FKBP5: variants seen among roughly 807,000 people sequenced by gnomAD.
FKBP5 encodes the protein peptidyl-prolyl cis-trans isomerase FKBP5.
Under a neutral mutation model 50.5 loss-of-function variants are expected in FKBP5, and 23 were observed. The observed-to-expected ratio is 0.46, with a 90% CI of 0.33 to 0.65. The LOEUF (loss-of-function observed/expected upper bound fraction) is 0.65, where lower values mean the gene tolerates loss of function less well. FKBP5 is among the 30% of genes least tolerant of loss of function. The probability of loss-of-function intolerance (pLI) is 0.02; values close to 1 mark genes in which losing one functional copy is unlikely to be tolerated. For missense variants in FKBP5, 411 were observed against 553.1 expected (o/e 0.74, Z 2.58); for synonymous variants, 176 against 190.6 (o/e 0.92, Z 0.63).
At position 35,659,376 on chromosome 6, in the gene FKBP5, T is replaced by C. The variant is rs1485440963; in HGVS notation, c.-19-16533A>G. Among the ~76,000 whole-genome samples, 5 of 81,784 alleles carry C rather than the reference T, an allele frequency of 6.1e-5. 2 individuals carry two copies. Among genetic ancestry groups the C allele is most frequent in the African/African-American group, 1.9e-4 (5 of 26,280 alleles). 53.7% of individuals were successfully genotyped at this position (81,784 alleles called of 152,430 possible). On this transcript the variant is annotated intron_variant, in intron 1 of 10. Coordinates refer to ENST00000357266, the MANE Select transcript of FKBP5 (RefSeq NM_004117.4). Reference sequence around the variant, plus strand: ...GATTCTCCTGTCTCAGCCTCTGGAGTAGCTGAGATTACAGGCATGCGCCAC... The same window carrying C: ...GATTCTCCTGTCTCAGCCTCTGGAGCAGCTGAGATTACAGGCATGCGCCAC...
chr6:35,586,446 T>C, intron 8 of FKBP5: 2 of 985,652 alleles, frequency 2.0e-6, no homozygotes, highest in Non-Finnish European at 2.4e-6. Flanking sequence ...TTTTATCATA[T>C]GCTCTAGTGA....
intron 1 of FKBP5, among the ~76,000 whole-genome samples, chr6:35,664,073 G>A (rs1459136948): frequency 6.6e-6 from 1 of 152,184 alleles, no homozygotes; most frequent in Non-Finnish European, 1.5e-5. Context: ...AAGTGTCACA[G>A]GTCTCTGACT....
chr6:35,693,875 C>G (rs73417700), upstream of FKBP5, among the ~76,000 whole-genome samples: 204 of 151,698 alleles, frequency 1.3e-3, 1 homozygote, highest in African/African-American at 4.7e-3. Flanking sequence ...TCCCAGTACC[C>G]TGCTATAATT....
chr6:35,578,018 C>T (rs1269868275), intron 9 of FKBP5, among the ~76,000 whole-genome samples: 1 of 142,438 alleles, frequency 7.0e-6, no homozygotes, highest in Admixed American at 7.2e-5. Context: ...CGTGCCACTG[C>T]ACTCCAGGCT....
chr6:35,596,268 T>C (rs760098906), intron 6 of FKBP5, among the ~76,000 whole-genome samples: 3 of 151,816 alleles, frequency 2.0e-5, no homozygotes, highest in Non-Finnish European at 4.4e-5. Context: ...GGCAGGAAAA[T>C]TGCTTGAACC....
In FKBP5 at chr6:35,619,081, T is replaced by C. The variant is rs1763746144; in HGVS notation, c.508+15A>G. 2 of 1,564,460 alleles carry C rather than the reference T, an allele frequency of 1.3e-6. No individual in the cohort carries two copies. Among genetic ancestry groups the C allele is most frequent in the Non-Finnish European group, 1.8e-6 (2 of 1,136,766 alleles). ...CAACTTTTAAGGACTAGTTCCCTCT[T>C]ACTTTAATACTTACTTTCTACTGTT... On this transcript the variant is annotated intron_variant, in intron 5 of 10. Transcript: ENST00000357266.
intron 8 of FKBP5, chr6:35,585,427 T>G (rs1423048062): frequency 3.0e-6 from 3 of 984,988 alleles, no homozygotes; most frequent in Non-Finnish European, 3.6e-6. Flanking sequence ...CTTGAGAGTT[T>G]AGAAACTCAC....
intron 7 of FKBP5, among the ~76,000 whole-genome samples, chr6:35,588,665 A>C (rs775343310): frequency 1.1e-4 from 17 of 151,864 alleles, no homozygotes; most frequent in Non-Finnish European, 2.2e-4. Flanking sequence ...CAGTGGCACG[A>C]TCGCGGCTCA....
chr6:35,708,622 T>C (rs1394574290), intron 2 of FKBP5, among the ~76,000 whole-genome samples: 1 of 152,078 alleles, frequency 6.6e-6, no homozygotes, highest in African/African-American at 2.4e-5. Context: ...GTAACAGAGA[T>C]TGTTAGTTGT....
intron 8 of FKBP5, chr6:35,585,851 G>A (rs1344570014): frequency 5.1e-6 from 5 of 985,146 alleles, no homozygotes; most frequent in Non-Finnish European, 6.0e-6. Flanking sequence ...GAAAACACAT[G>A]GTGCCCTCTG....
At chr6:35,697,340 G>C (rs954849816) in intron 2 of FKBP5, among the ~76,000 whole-genome samples, 1 of 152,176 alleles carries the variant, frequency 6.6e-6, no homozygotes, top group African/African-American at 2.4e-5. Flanking sequence ...CTGAGGTCGG[G>C]AGTTCAAGAC....
intron 2 of FKBP5, among the ~76,000 whole-genome samples, chr6:35,712,042 T>TAAAAA (rs71002597): frequency 1.6e-5 from 2 of 128,284 alleles, no homozygotes; most frequent in African/African-American, 3.0e-5. Flanking sequence ...CTGGGCTAAT[T>TAAAAA]AAAAAAAAAA....
intron 3 of FKBP5, among the ~76,000 whole-genome samples, chr6:35,620,860 A>G (rs1763810754): frequency 6.6e-6 from 1 of 152,208 alleles, no homozygotes; most frequent in Admixed American, 6.5e-5. Context: ...AAATATGGCT[A>G]TGTTGCAATT....
chr6:35,652,695 G>A (rs924205121), intron 1 of FKBP5, among the ~76,000 whole-genome samples: 2 of 152,018 alleles, frequency 1.3e-5, no homozygotes, highest in African/African-American at 4.8e-5. Context: ...TTTTAATTTC[G>A]CCTCTGTCCT....
intron 1 of FKBP5, among the ~76,000 whole-genome samples, chr6:35,681,227 A>G (rs1482567132): frequency 6.6e-6 from 1 of 152,212 alleles, no homozygotes; most frequent in African/African-American, 2.4e-5. Context: ...AATATGTTTG[A>G]GTAAATGTAT....
At chr6:35,592,471 A>T (rs1451914657) in intron 6 of FKBP5, among the ~76,000 whole-genome samples, 1 of 152,196 alleles carries the variant, frequency 6.6e-6, no homozygotes, top group Non-Finnish European at 1.5e-5. Flanking sequence ...ACAAAGACAT[A>T]ATTACCAGTG....
chr6:35,655,499 G>A (rs577451163), intron 1 of FKBP5, among the ~76,000 whole-genome samples: 2 of 152,262 alleles, frequency 1.3e-5, no homozygotes, highest in South Asian at 2.1e-4. Context: ...TTCTAGGAAC[G>A]AGCCAACAAG....
intron 5 of FKBP5, among the ~76,000 whole-genome samples, chr6:35,614,497 T>A (rs893478850): frequency 5.3e-5 from 8 of 152,198 alleles, no homozygotes; most frequent in Admixed American, 3.3e-4. Context: ...TTTGTTACAA[T>A]TGAGTAACAT....
At chr6:35,648,719 C>A (rs1764700973) in intron 1 of FKBP5, among the ~76,000 whole-genome samples, 1 of 152,178 alleles carries the variant, frequency 6.6e-6, no homozygotes, top group South Asian at 2.1e-4. Flanking sequence ...GAGGCCAGAG[C>A]AGCCAGATGA....
Sources: allele counts gnomAD v4.1 joint callset (sites outside exome capture counted in the v4.1 genomes callset), GRCh38; gene constraint gnomAD v4.1.1; transcripts MANE v1.5; gene names NCBI Gene and HGNC (gene_info 2026-07-23, HGNC 2026-07-21).